KIF26B: variants seen among roughly 807,000 people sequenced by gnomAD.
The protein encoded by KIF26B is kinesin family member 26B, also known as kinesin-like protein KIF26B.
KIF26B carries 63 observed loss-of-function variants against 151.2 expected under a neutral mutation model. The observed-to-expected ratio is 0.42, with a 90% CI of 0.34 to 0.51. The LOEUF (loss-of-function observed/expected upper bound fraction) is 0.51, where lower values mean the gene tolerates loss of function less well. Ranked by LOEUF, KIF26B falls within the 20% of genes least tolerant of loss-of-function variation. The pLI is 0.07. For synonymous variants in KIF26B, 1,357 were observed against 1,262.1 expected (o/e 1.08, Z -1.59); for missense variants, 2,813 against 2,913.6 (o/e 0.97, Z 0.79).
At chr1:245,561,679 T>A (rs1470201455) in intron 5 of KIF26B, among the ~76,000 whole-genome samples, 1 of 152,238 alleles carries the variant, frequency 6.6e-6, no homozygotes, top group Non-Finnish European at 1.5e-5. Flanking sequence ...CATTTGCATA[T>A]ACCAACTCAT....
chr1:245,423,319 C>T (rs1043425833), intron 4 of KIF26B, among the ~76,000 whole-genome samples: 4 of 152,132 alleles, frequency 2.6e-5, no homozygotes, highest in African/African-American at 9.7e-5. Context: ...ACCATTTTCT[C>T]TGTTTTATGG....
At chr1:245,612,659 C>T (rs927924128) in intron 9 of KIF26B, among the ~76,000 whole-genome samples, 2 of 152,194 alleles carry the variant, frequency 1.3e-5, no homozygotes, top group Non-Finnish European at 2.9e-5. Flanking sequence ...CATTTATCCA[C>T]CAAAGCACTC....
At chr1:245,459,605 C>G (rs1317561491) in intron 4 of KIF26B, among the ~76,000 whole-genome samples, 1 of 152,152 alleles carries the variant, frequency 6.6e-6, no homozygotes, top group Non-Finnish European at 1.5e-5. Context: ...ACTAGGAAGA[C>G]AGGGTGGGAT....
chr1:245,408,067 C>T (rs562166157), intron 3 of KIF26B, among the ~76,000 whole-genome samples: 22 of 152,294 alleles, frequency 1.4e-4, no homozygotes, highest in Non-Finnish European at 3.2e-4. Context: ...GAGCCGCCCC[C>T]AGGTGATTCT....
rs1400282203 is a variant in KIF26B, at chr1:245,708,409, C to T, written c.*5803C>T. The T allele has an allele frequency of 2.0e-5, 3 of 152,178 alleles. No homozygotes were observed. The highest frequency in any genetic ancestry group is 1.5e-5 in the Non-Finnish European group (1 of 68,036). 9.4% of individuals were successfully genotyped at this position (152,178 alleles called of 1,614,324 possible). A position where few individuals can be genotyped will look rare whatever the true frequency, so the allele number is the denominator to read the frequency against. On this transcript the variant is annotated 3_prime_UTR_variant, in exon 15 of 15. Coordinates refer to ENST00000407071, the MANE Select transcript of KIF26B (RefSeq NM_018012.4). The stretch of plus-strand genomic sequence containing the variant: ...TGAGTCCAGCTTATTGGATTCTTCC[C>T]ATCAGATCATATTGCACCAGGTATG...
chr1:245,419,866 T>A, intron 4 of KIF26B, 121 bp downstream of exon 4: 1 of 927,380 alleles, frequency 1.1e-6, no homozygotes, highest in Non-Finnish European at 1.7e-6. Context: ...TGTCATTCAT[T>A]AAGACAGAGT....
At chr1:245,215,772 A>G (rs1669630857) in intron 2 of KIF26B, among the ~76,000 whole-genome samples, 1 of 152,122 alleles carries the variant, frequency 6.6e-6, no homozygotes, top group Admixed American at 6.6e-5. Context: ...GTGTTTTTTT[A>G]GAGGCTTCTA....
At chr1:245,342,412 G>C (rs544125225) in intron 2 of KIF26B, among the ~76,000 whole-genome samples, 2 of 152,182 alleles carry the variant, frequency 1.3e-5, no homozygotes, top group African/African-American at 4.8e-5. Flanking sequence ...GTAATTAAGA[G>C]TGTTAATGAT....
At chr1:245,697,542 G>C (rs192014627) in intron 12 of KIF26B, among the ~76,000 whole-genome samples, 17 of 152,114 alleles carry the variant, frequency 1.1e-4, no homozygotes, top group Non-Finnish European at 5.9e-5. Context: ...CCTAGGCTGC[G>C]TGTTTTACAG....
chr1:245,681,739 A>G (rs1337670398), intron 10 of KIF26B, among the ~76,000 whole-genome samples: 1 of 152,256 alleles, frequency 6.6e-6, no homozygotes, highest in Non-Finnish European at 1.5e-5. Flanking sequence ...CACCAAAGAA[A>G]TGTACAATCA....
chr1:245,700,962 T>G (rs1053799828), intron 14 of KIF26B, among the ~76,000 whole-genome samples: 3 of 152,234 alleles, frequency 2.0e-5, no homozygotes. Context: ...TTTGCTATTT[T>G]CATTAACATT....
chr1:245,391,696 A>G (rs1395831182), intron 3 of KIF26B, among the ~76,000 whole-genome samples: 1 of 151,280 alleles, frequency 6.6e-6, no homozygotes, highest in Non-Finnish European at 1.5e-5. Flanking sequence ...TGAAAATGTA[A>G]AACAGCAATG....
chr1:245,218,247 G>C lies in KIF26B; in HGVS notation c.465+61564G>C, dbSNP rs1434613887. ...CCCTCGGGGGCAGACTGTGCCTGTG[G>C]CTTCTCAGTGGGGTGCCTTAGGGTC... is the stretch of plus-strand genomic sequence containing the variant. On this transcript the variant is annotated intron_variant, in intron 2 of 14. Coordinates refer to ENST00000407071, the MANE Select transcript of KIF26B (RefSeq NM_018012.4). This position sits in a 1 kb window ranked among gnomAD's most constrained non-coding sequence, Gnocchi z 4.1. 1.3e-5 allele frequency among the ~76,000 whole-genome samples: 2 copies of C among 152,208 alleles called. No homozygotes were observed. The highest frequency in any genetic ancestry group is 2.9e-5 in the Non-Finnish European group (2 of 68,040).
intron 5 of KIF26B, among the ~76,000 whole-genome samples, chr1:245,595,755 C>A (rs982346323): frequency 1.3e-5 from 2 of 152,048 alleles, no homozygotes; most frequent in East Asian, 3.8e-4. Context: ...CTTCTTTGTA[C>A]CTCTGGTAGA....
intron 5 of KIF26B, among the ~76,000 whole-genome samples, chr1:245,590,575 G>A (rs1365878192): frequency 2.6e-5 from 4 of 152,180 alleles, no homozygotes; most frequent in South Asian, 4.1e-4. Flanking sequence ...AGAGCGTGGT[G>A]GAAGTTGGAA....
intron 4 of KIF26B, among the ~76,000 whole-genome samples, chr1:245,474,511 C>A (rs4658777): frequency 0.88 from 130,809 of 149,430 alleles, 57,842 homozygotes; most frequent in East Asian, 0.94. Flanking sequence ...TCCCTGGTTC[C>A]AGTGATTCTC....
intron 10 of KIF26B, among the ~76,000 whole-genome samples, chr1:245,652,120 GTGTGTGTGTGTGTGTGTGTGTGT>G (rs2044023893): frequency 7.3e-6 from 1 of 137,554 alleles, no homozygotes; most frequent in Non-Finnish European, 1.5e-5. Flanking sequence ...GTGTGTGTGT[GTGTGTGTGTGTGTGTGTGTGTGT>G]GTGAGAGAGA....
In KIF26B at chr1:245,331,150, G is replaced by A. The variant is rs1030977776; in HGVS notation, c.466-35684G>A. On this transcript the variant is annotated intron_variant, in intron 2 of 14. Transcript: ENST00000407071. ...GTACGAAGGGCCTGGGGGTGGCAGA[G>A]CAGAGCCTGCTGCGGAGGCACAGGC... 7.9e-5 allele frequency among the ~76,000 whole-genome samples: 12 copies of A among 152,052 alleles called. No individual in the cohort carries two copies. The East Asian group carries it at 1.5e-3, about 20-fold the overall frequency.
chr1:245,700,959 T>A (rs1264601883), intron 14 of KIF26B, among the ~76,000 whole-genome samples: 1 of 152,260 alleles, frequency 6.6e-6, no homozygotes, highest in Non-Finnish European at 1.5e-5. Flanking sequence ...ATTTTTGCTA[T>A]TTTCATTAAC....
Sources: allele counts gnomAD v4.1 joint callset (sites outside exome capture counted in the v4.1 genomes callset), GRCh38; gene constraint gnomAD v4.1.1; non-coding constraint Gnocchi (gnomAD v3.1); transcripts MANE v1.5; gene names NCBI Gene and HGNC (gene_info 2026-07-23, HGNC 2026-07-21).